Variants in DIAPH3 observed in about 807,000 individuals in gnomAD.
DIAPH3 encodes diaphanous related formin 3, also known as protein diaphanous homolog 3.
Under a neutral mutation model 144.3 loss-of-function variants are expected in DIAPH3, and 117 were observed. That is an observed-to-expected ratio of 0.81 (90% confidence interval 0.70 to 0.95). The LOEUF is 0.95. Among genes scored for constraint, DIAPH3 ranks in the 40% least tolerant of loss-of-function variants. DIAPH3 has a pLI of 0.00. For missense variants in DIAPH3, 1,421 were observed against 1,412.7 expected (o/e 1.01, Z -0.09); for synonymous variants, 519 against 488.9 (o/e 1.06, Z -0.81).
intron 22 of DIAPH3, among the ~76,000 whole-genome samples, chr13:59,844,253 T>C (rs779232025): frequency 2.6e-5 from 4 of 152,044 alleles, no homozygotes; most frequent in Non-Finnish European, 5.9e-5. Context: ...AACTATATTT[T>C]ATGTCTTAAA....
chr13:59,865,651 C>T (rs1347942510), intron 21 of DIAPH3, among the ~76,000 whole-genome samples: 3 of 151,974 alleles, frequency 2.0e-5, no homozygotes, highest in Non-Finnish European at 4.4e-5. Flanking sequence ...TCCAACCACT[C>T]TGTTCATTCC....
At chr13:59,896,753 A>G (rs577154723) in intron 20 of DIAPH3, among the ~76,000 whole-genome samples, 2 of 152,336 alleles carry the variant, frequency 1.3e-5, no homozygotes, top group East Asian at 3.9e-4. Flanking sequence ...TCATATTTCT[A>G]GCCCCAACAT....
chr13:59,766,083 A>C (rs1361453203), intron 27 of DIAPH3, among the ~76,000 whole-genome samples: 1 of 152,198 alleles, frequency 6.6e-6, no homozygotes, highest in Non-Finnish European at 1.5e-5. Context: ...AAAATATCTT[A>C]TCCTATCAGA....
At chr13:59,992,260 C>A in intron 10 of DIAPH3, 74 bp from the exon 11 acceptor site, 1 of 1,280,026 alleles carries the variant, frequency 7.8e-7, no homozygotes, top group Non-Finnish European at 1.1e-6. Flanking sequence ...AACATATAAA[C>A]AATAAACCAA....
At chr13:59,917,796 A>G (rs1195822110) in intron 18 of DIAPH3, among the ~76,000 whole-genome samples, 3 of 149,058 alleles carry the variant, frequency 2.0e-5, no homozygotes, top group African/African-American at 4.9e-5. Flanking sequence ...AGGCTGAAGC[A>G]GAAGTATTGC....
At chr13:59,768,576 T>C (rs1178588176) in intron 27 of DIAPH3, among the ~76,000 whole-genome samples, 6 of 151,888 alleles carry the variant, frequency 4.0e-5, no homozygotes, top group African/African-American at 1.2e-4. Flanking sequence ...ATCGAGTGGA[T>C]TGGGGATGGG....
intron 27 of DIAPH3, among the ~76,000 whole-genome samples, chr13:59,700,604 A>G (rs537851509): frequency 3.9e-5 from 6 of 152,312 alleles, no homozygotes; most frequent in East Asian, 3.9e-4. Context: ...GTTAAGAGTC[A>G]AAGTATCTCC....
At chr13:59,772,373 C>T (rs1245628523) in intron 27 of DIAPH3, among the ~76,000 whole-genome samples, 1 of 152,000 alleles carries the variant, frequency 6.6e-6, no homozygotes, top group Non-Finnish European at 1.5e-5. Context: ...ATAGAAAATA[C>T]TTTCTAAAAA....
chr13:60,115,097 A>AG (rs2058668759), intron 2 of DIAPH3, among the ~76,000 whole-genome samples: 1 of 152,164 alleles, frequency 6.6e-6, no homozygotes, highest in Non-Finnish European at 1.5e-5. Context: ...CATAAGAAAG[A>AG]AAAAATACAT....
intron 17 of DIAPH3, among the ~76,000 whole-genome samples, chr13:59,932,923 C>A (rs771634188): frequency 6.6e-6 from 1 of 152,122 alleles, no homozygotes; most frequent in African/African-American, 2.4e-5. Context: ...TTGGAAAAAT[C>A]TTTCATATTG....
At chr13:60,042,446 C>A (rs549669605) in intron 5 of DIAPH3, among the ~76,000 whole-genome samples, 1 of 152,046 alleles carries the variant, frequency 6.6e-6, no homozygotes. Context: ...TTAGAAAACA[C>A]CTTAAGTTTC....
At chr13:59,675,249 A>G (rs1416606249) in intron 27 of DIAPH3, among the ~76,000 whole-genome samples, 2 of 152,054 alleles carry the variant, frequency 1.3e-5, no homozygotes, top group African/African-American at 4.8e-5. Flanking sequence ...CATTTTAAAA[A>G]TCGAGACGGG....
chr13:59,970,855 T>C lies in DIAPH3; in HGVS notation c.1956A>G (p.Leu652=), dbSNP rs2050323830. ...PEISMRRLNW[L]KIRPHEMTEN... The stretch of plus-strand genomic sequence containing the variant: ...TTCCTCTATTAATTTCTTTTACCTT[T>C]AACCAATTCAATCTTCTCATGCTGA... The change falls in exon 16 of 28, where the codon TTA becomes TTG. Residue 652 remains leucine (L), a synonymous_variant. Coordinates refer to ENST00000400324, the MANE Select transcript of DIAPH3 (RefSeq NM_001042517.2). 6.2e-7 allele frequency: 1 copy of C among 1,611,994 alleles called. No individual in the cohort carries two copies. The highest frequency in any genetic ancestry group is 1.7e-5 in the Admixed American group (1 of 59,980).
At chr13:59,981,860 A>C (rs149794427) in intron 13 of DIAPH3, among the ~76,000 whole-genome samples, 26 of 151,542 alleles carry the variant, frequency 1.7e-4, no homozygotes, top group African/African-American at 6.0e-4. Context: ...TGATTTATCT[A>C]TTTAAGACAT....
At chr13:59,812,668 G>C (rs1461332847) in intron 24 of DIAPH3, among the ~76,000 whole-genome samples, 1 of 152,114 alleles carries the variant, frequency 6.6e-6, no homozygotes, top group African/African-American at 2.4e-5. Context: ...CAGGCAGAGG[G>C]AAGTGCTAAT....
chr13:59,713,582 T>C (rs932467123), intron 27 of DIAPH3, among the ~76,000 whole-genome samples: 2 of 151,986 alleles, frequency 1.3e-5, no homozygotes, highest in African/African-American at 2.4e-5. Context: ...GGAAGAAAAA[T>C]TTGGCAGCAG....
At chr13:59,815,560 T>C (rs929661556) in intron 24 of DIAPH3, among the ~76,000 whole-genome samples, 2 of 152,164 alleles carry the variant, frequency 1.3e-5, no homozygotes. Flanking sequence ...TCTTTTGCTA[T>C]TGTAAATGGT....
intron 24 of DIAPH3, among the ~76,000 whole-genome samples, chr13:59,816,589 CT>C (rs1278923819): frequency 9.3e-5 from 14 of 151,320 alleles, no homozygotes; most frequent in Admixed American, 9.2e-4. Flanking sequence ...TCATTTTTGC[CT>C]TTTATGTCAC....
chr13:59,688,278 A>G (rs2033321886), intron 27 of DIAPH3, among the ~76,000 whole-genome samples: 1 of 152,080 alleles, frequency 6.6e-6, no homozygotes, highest in Non-Finnish European at 1.5e-5. Flanking sequence ...CAATTTTAAA[A>G]TCTGAATTTC....
Sources: gnomAD v4.1 joint callset for allele counts (sites outside exome capture counted in the v4.1 genomes callset) on GRCh38, gnomAD v4.1.1 for gene constraint, MANE v1.5 for transcripts, NCBI Gene and HGNC (gene_info 2026-07-23, HGNC 2026-07-21) for gene names.